STYK1: variants seen among roughly 807,000 people sequenced by gnomAD.
STYK1 encodes STY kinase 1.
Under a neutral mutation model 48.1 loss-of-function variants are expected in STYK1, and 46 were observed. That is an observed-to-expected ratio of 0.96 (90% confidence interval 0.75 to 1.22). The LOEUF (loss-of-function observed/expected upper bound fraction) is 1.22. Among genes scored for constraint, STYK1 ranks in the 50% most tolerant of loss-of-function variants. The pLI is 0.00. For missense variants in STYK1, 527 were observed against 521.1 expected (o/e 1.01, Z -0.11); for synonymous variants, 188 against 189.0 (o/e 0.99, Z 0.04).
At position 10,619,698 on chromosome 12, in the gene STYK1, T is replaced by C; in HGVS notation, c.*446A>G. ...TGAAGGAGGTGTTGGTCCATATCTG[T>C]AATCCTGAGCAAGAAGAACCTTAAA... On this transcript the variant is annotated 3_prime_UTR_variant, in exon 11 of 11. Transcript: ENST00000075503. The C allele has an allele frequency of 8.2e-6, 2 of 244,420 alleles. No individual in the cohort carries two copies. Among genetic ancestry groups the C allele is most frequent in the Non-Finnish European group, 1.6e-5 (2 of 128,004 alleles). 15.1% of individuals were successfully genotyped at this position (244,420 alleles called of 1,614,324 possible). A position where few individuals can be genotyped will look rare whatever the true frequency, so the allele number is the denominator to read the frequency against.
At chr12:10,667,689 G>A (rs1246055641) in intron 1 of STYK1, among the ~76,000 whole-genome samples, 1 of 152,080 alleles carries the variant, frequency 6.6e-6, no homozygotes, top group Non-Finnish European at 1.5e-5. Flanking sequence ...TGCCAAGAAG[G>A]GTTATTATGA....
intron 5 of STYK1, among the ~76,000 whole-genome samples, chr12:10,630,254 C>T (rs1174206158): frequency 6.6e-6 from 1 of 151,566 alleles, no homozygotes; most frequent in Admixed American, 6.6e-5. Flanking sequence ...GCCATAGTGG[C>T]ACACGGCTGT....
At chr12:10,657,096 G>C (rs1268921415) in intron 1 of STYK1, among the ~76,000 whole-genome samples, 1 of 152,188 alleles carries the variant, frequency 6.6e-6, no homozygotes, top group South Asian at 2.1e-4. Context: ...CACACTGAGA[G>C]ATAAGAGTTC....
chr12:10,635,728 G>A (rs1048189889), intron 2 of STYK1, among the ~76,000 whole-genome samples: 2 of 152,046 alleles, frequency 1.3e-5, no homozygotes, highest in African/African-American at 4.8e-5. Context: ...TTTCTTGTTT[G>A]TCTGGCAAGG....
intron 1 of STYK1, among the ~76,000 whole-genome samples, chr12:10,641,763 A>G (rs760455072): frequency 4.6e-5 from 7 of 152,278 alleles, no homozygotes; most frequent in African/African-American, 7.2e-5. Context: ...GGAAAAAGAC[A>G]CTTCTGGGAA....
At chr12:10,643,443 C>T (rs1464453650) in intron 1 of STYK1, among the ~76,000 whole-genome samples, 2 of 152,216 alleles carry the variant, frequency 1.3e-5, no homozygotes, top group Non-Finnish European at 2.9e-5. Flanking sequence ...GAATTTTGCT[C>T]TGTAACTGAA....
chr12:10,664,045 C>G (rs1947808808), intron 1 of STYK1, among the ~76,000 whole-genome samples: 1 of 152,214 alleles, frequency 6.6e-6, no homozygotes, highest in Non-Finnish European at 1.5e-5. Context: ...TGTCCTAGAA[C>G]AGGTCGGGCA....
chr12:10,649,905 G>A (rs1378601822), intron 1 of STYK1, among the ~76,000 whole-genome samples: 4 of 152,010 alleles, frequency 2.6e-5, no homozygotes, highest in Non-Finnish European at 5.9e-5. Flanking sequence ...GAGGTCAGGA[G>A]ATCGAGACCA....
Position 10,634,688 on chromosome 12 carries a change from T to A in STYK1, c.-68-2A>T. 6.4e-7 allele frequency: 1 copy of A among 1,556,472 alleles called. No homozygotes were observed. Reference sequence around the variant, plus strand: ...ACACAGCACAGCTGTGAGTAATTCCTAAGGATTGAGTGGTTTTTGAAAAAA... The same window carrying A: ...ACACAGCACAGCTGTGAGTAATTCCAAAGGATTGAGTGGTTTTTGAAAAAA... On this transcript the variant is annotated splice_acceptor_variant, in intron 2 of 10. Coordinates refer to ENST00000075503, the MANE Select transcript of STYK1 (RefSeq NM_018423.3). LOFTEE classifies it low-confidence loss of function (5UTR_SPLICE).
At chr12:10,648,296 T>G (rs1442724007) in intron 1 of STYK1, among the ~76,000 whole-genome samples, 2 of 152,138 alleles carry the variant, frequency 1.3e-5, no homozygotes, top group African/African-American at 4.8e-5. Context: ...TAAATTATAT[T>G]GGGTTTGTGA....
chr12:10,644,798 T>C (rs900670012), intron 1 of STYK1, among the ~76,000 whole-genome samples: 7 of 147,640 alleles, frequency 4.7e-5, no homozygotes, highest in Non-Finnish European at 9.3e-5. Context: ...CCAGTGTGAC[T>C]TTTAAGTAGA....
Position 10,631,205 on chromosome 12 carries a change from T to G in STYK1, c.291A>C (p.Gly97=). The change falls in exon 5 of 11, where the codon GGA becomes GGC. Residue 97 remains glycine, a synonymous_variant. Coordinates refer to ENST00000075503, the MANE Select transcript of STYK1 (RefSeq NM_018423.3). ...GCTTAGCCAGGGCAGGTGTGGTAGCTCCCAGAAAGTTTTCCACGGATGTCT... is the reference window on the plus strand; with the variant it reads ...GCTTAGCCAGGGCAGGTGTGGTAGCGCCCAGAAAGTTTTCCACGGATGTCT... ...LKETSVENFL[G]ATTPALAKLQ... 3 of 1,614,138 alleles carry G rather than the reference T, an allele frequency of 1.9e-6. No individual in the cohort carries two copies. Among genetic ancestry groups the G allele is most frequent in the Non-Finnish European group, 1.7e-6 (2 of 1,180,018 alleles).
At chr12:10,626,436 C>T in intron 7 of STYK1, among the ~76,000 whole-genome samples, 1 of 152,146 alleles carries the variant, frequency 6.6e-6, no homozygotes, top group East Asian at 1.9e-4. Flanking sequence ...ATGGGAGCTT[C>T]AACCATAACT....
At chr12:10,624,431 A>G (rs892924900) in intron 8 of STYK1, among the ~76,000 whole-genome samples, 6 of 152,050 alleles carry the variant, frequency 3.9e-5, no homozygotes, top group Admixed American at 2.6e-4. Flanking sequence ...CTTAGAAAAG[A>G]AAAGAAGAAA....
At chr12:10,646,698 A>G (rs1428630048) in intron 1 of STYK1, among the ~76,000 whole-genome samples, 6 of 152,242 alleles carry the variant, frequency 3.9e-5, no homozygotes, top group Non-Finnish European at 8.8e-5. Context: ...GGCATGTCAG[A>G]GACCTTTGAG....
intron 1 of STYK1, among the ~76,000 whole-genome samples, chr12:10,647,863 C>A (rs1947617793): frequency 2.0e-5 from 3 of 152,282 alleles, no homozygotes; most frequent in African/African-American, 7.2e-5. Flanking sequence ...TCTTTGCCTG[C>A]CATCATTCAC....
intron 1 of STYK1, among the ~76,000 whole-genome samples, chr12:10,639,048 T>C (rs1309525605): frequency 3.3e-5 from 5 of 152,122 alleles, no homozygotes; most frequent in Non-Finnish European, 1.5e-5. Context: ...GGGTAAAATA[T>C]ATGGAGGTAG....
At chr12:10,650,148 A>AAAAAT in intron 1 of STYK1, among the ~76,000 whole-genome samples, 1 of 140,280 alleles carries the variant, frequency 7.1e-6, no homozygotes, top group Non-Finnish European at 1.5e-5. Flanking sequence ...AAAAAAAAAA[A>AAAAAT]TCTTGAGTTT....
chr12:10,671,891 ATTAGTTGTT>A lies in STYK1; in HGVS notation c.-195+2066_-195+2074del, dbSNP rs1408724076. On this transcript the variant is annotated intron_variant, in intron 1 of 10. Transcript: ENST00000075503. ...AACTAACTTGTGCATAATTAAAGACATTAGTTGTTAAAGGGTTGAACTGTACACCCTCTC... is the reference window on the plus strand; with the variant it reads ...AACTAACTTGTGCATAATTAAAGACAAAAGGGTTGAACTGTACACCCTCTC... Among the ~76,000 whole-genome samples, 1,497 of 152,330 alleles carry A rather than the reference ATTAGTTGTT, an allele frequency of 9.8e-3. 24 individuals carry two copies. The highest frequency in any genetic ancestry group is 0.035 in the African/African-American group (1,435 of 41,566).
Sources: gnomAD v4.1 joint callset for allele counts (sites outside exome capture counted in the v4.1 genomes callset) on GRCh38, gnomAD v4.1.1 for gene constraint, MANE v1.5 for transcripts, NCBI Gene and HGNC (gene_info 2026-07-23, HGNC 2026-07-21) for gene names.